RBM23: variants seen among roughly 807,000 people sequenced by gnomAD.
RBM23 encodes the protein probable RNA-binding protein 23.
In RBM23, 53 loss-of-function variants were observed where a neutral mutation model predicts 56.2. The observed-to-expected ratio is 0.94, with a 90% CI of 0.76 to 1.19. The LOEUF (loss-of-function observed/expected upper bound fraction) is 1.19, where lower values mean the gene tolerates loss of function less well. Ranked by LOEUF, RBM23 falls within the 50% of genes most tolerant of loss-of-function variation. RBM23 has a pLI of 0.00. For synonymous variants in RBM23, 197 were observed against 198.5 expected, an observed-to-expected ratio of 0.99 and a Z score of 0.06; for missense variants, 642 against 590.3, an observed-to-expected ratio of 1.09 and a Z score of -0.91.
chr14:22,902,612 A>C, intron 10 of RBM23: 2 of 1,266,994 alleles, frequency 1.6e-6, no homozygotes, highest in Non-Finnish European at 2.0e-6. Context: ...CAGCTCCATT[A>C]AGAATCTAAC....
At position 22,902,215 on chromosome 14, in the gene RBM23, A is replaced by G. The variant is rs1433636117; in HGVS notation, c.1098T>C (p.Arg366=). The part of the protein sequence containing the change: ...QELDLGSAGG[R]FQLMAKLAEG... ...CTGCCAGTTTTGCCATGAGCTGAAAACGTCCACCTGCTGATCCCAGATCCA... is the reference window on the plus strand; with the variant it reads ...CTGCCAGTTTTGCCATGAGCTGAAAGCGTCCACCTGCTGATCCCAGATCCA... Residue 366 remains arginine (R), a synonymous_variant, in exon 11 of 14, where the codon CGT becomes CGC. Coordinates refer to ENST00000359890, the MANE Select transcript of RBM23 (RefSeq NM_001077351.2). The G allele has an allele frequency of 1.2e-6, 2 of 1,614,042 alleles. No individual in the cohort carries two copies. The highest frequency in any genetic ancestry group is 1.7e-6 in the Non-Finnish European group (2 of 1,179,952).
At chr14:22,904,523 T>A (rs540852823) in intron 9 of RBM23, among the ~76,000 whole-genome samples, 197 bp from the exon 10 acceptor site, 14 of 140,764 alleles carry the variant, frequency 9.9e-5, no homozygotes, top group Non-Finnish European at 1.2e-4. Flanking sequence ...AAAGGTGGAC[T>A]TTTTTTTTTT....
rs188640634 is a variant in RBM23, at chr14:22,918,558, C to G, written c.-11+441G>C. On this transcript the variant is annotated intron_variant, in intron 1 of 13. Coordinates refer to ENST00000359890, the MANE Select transcript of RBM23 (RefSeq NM_001077351.2). Reference sequence around the variant, plus strand: ...AGCCCATAAAGGTCAACATAGTGAACATGAATCTTCGACAGACTAGAGATT... The same window carrying G: ...AGCCCATAAAGGTCAACATAGTGAAGATGAATCTTCGACAGACTAGAGATT... Among the ~76,000 whole-genome samples, 780 of 152,222 alleles carry G rather than the reference C, an allele frequency of 5.1e-3. 4 individuals carry two copies. The highest frequency in any genetic ancestry group is 8.9e-3 in the Admixed American group (136 of 15,278).
At chr14:22,903,407 A>G (rs2040963509) in intron 10 of RBM23, 3 of 985,406 alleles carry the variant, frequency 3.0e-6, no homozygotes, top group East Asian at 1.1e-4. Flanking sequence ...AAAGGTTACA[A>G]AAGTTACTTG....
At chr14:22,909,644 A>G (rs779896650) in intron 2 of RBM23, 49 bp from the exon 3 acceptor site, 1 of 1,419,606 alleles carries the variant, frequency 7.0e-7, no homozygotes, top group South Asian at 1.1e-5. Context: ...TGGCAGACAC[A>G]CAGATTCCAA....
In RBM23 at chr14:22,901,025, G is replaced by C. The variant is rs2040423525; in HGVS notation, c.*705C>G. The C allele has an allele frequency of 6.6e-6, 1 of 152,184 alleles. No homozygotes were observed. The highest frequency in any genetic ancestry group is 1.5e-5 in the Non-Finnish European group (1 of 68,058). The allele number at this position is 152,184 out of a possible 1,614,324, so 9.4% of individuals were successfully genotyped here. A position where few individuals can be genotyped will look rare whatever the true frequency, so the allele number is the denominator to read the frequency against. ...AAGGAAGATGGAAGATACTGGAAAGGCATACTCCACCTTTTACTAAATTCC... is the reference window on the plus strand; with the variant it reads ...AAGGAAGATGGAAGATACTGGAAAGCCATACTCCACCTTTTACTAAATTCC... On this transcript the variant is annotated 3_prime_UTR_variant, in exon 14 of 14. Coordinates refer to ENST00000359890, the MANE Select transcript of RBM23 (RefSeq NM_001077351.2).
Position 22,906,376 on chromosome 14 carries a change from G to C in RBM23, c.228-8C>G, listed in dbSNP as rs376913043. On this transcript the variant is annotated splice_region_variant and splice_polypyrimidine_tract_variant and intron_variant, in intron 4 of 13. Transcript: ENST00000359890. ...TCCCGATCTCGACTACGACTACAGA[G>C]GGAAACAACTACAGTCATGCCCACA... The C allele has an allele frequency of 1.2e-6, 2 of 1,613,674 alleles. No homozygotes were observed. Among genetic ancestry groups the C allele is most frequent in the African/African-American group, 1.3e-5 (1 of 74,918 alleles).
Position 22,900,136 on chromosome 14 carries a change from CAGG to C in RBM23, c.*1591_*1593del, listed in dbSNP as rs1166095019. The C allele has an allele frequency of 1.3e-5, 2 of 152,170 alleles. No homozygotes were observed. The highest frequency in any genetic ancestry group is 2.9e-5 in the Non-Finnish European group (2 of 68,048). 9.4% of individuals were successfully genotyped at this position (152,170 alleles called of 1,614,324 possible). A position where few individuals can be genotyped will look rare whatever the true frequency, so the allele number is the denominator to read the frequency against. The stretch of plus-strand genomic sequence containing the variant: ...ATCCCAGGCAGAGCCACATGGAAAG[CAGG>C]AGTTGAGGGGACTGACAGAGGAACA... On this transcript the variant is annotated 3_prime_UTR_variant, in exon 14 of 14. Coordinates refer to ENST00000359890, the MANE Select transcript of RBM23 (RefSeq NM_001077351.2).
rs1253000776 is a variant in RBM23 at position 22,899,978 on chromosome 14, G to T, written c.*1752C>A. On this transcript the variant is annotated 3_prime_UTR_variant, in exon 14 of 14. Transcript: ENST00000359890. ...CCCTGAATTCAGGCCTTCTCATTTG[G>T]TCCCTAAGCTGGGTGAGACAGCCTC... 1 of 152,086 alleles carries T rather than the reference G, an allele frequency of 6.6e-6. No individual in the cohort carries two copies. Among genetic ancestry groups the T allele is most frequent in the Non-Finnish European group, 1.5e-5 (1 of 68,028 alleles). The allele number at this position is 152,086 out of a possible 1,614,324, so 9.4% of individuals were successfully genotyped here. A position where few individuals can be genotyped will look rare whatever the true frequency, so the allele number is the denominator to read the frequency against.
Position 22,909,470 on chromosome 14 carries a change from C to T in RBM23, c.179+13G>A, listed in dbSNP as rs765266570. The T allele has an allele frequency of 1.2e-6, 2 of 1,608,312 alleles. No individual in the cohort carries two copies. The highest frequency in any genetic ancestry group is 1.1e-5 in the South Asian group (1 of 90,916). On this transcript the variant is annotated intron_variant, in intron 3 of 13. Transcript: ENST00000359890. ...CCCCAAGTTGCCAACCCATTTCTTC[C>T]TCCCACACTCACTTGCTTGTCTCCC...
intron 1 of RBM23, among the ~76,000 whole-genome samples, chr14:22,916,462 G>C (rs1295731033): frequency 6.8e-6 from 1 of 147,344 alleles, no homozygotes; most frequent in Non-Finnish European, 1.5e-5. Flanking sequence ...TTCTGGTAGA[G>C]ACATGGTCTC....
chr14:22,898,732 A>T lies in RBM23; in HGVS notation c.*2998T>A, dbSNP rs1436419977. 3 of 151,822 alleles carry T rather than the reference A, an allele frequency of 2.0e-5. No homozygotes were observed. The highest frequency in any genetic ancestry group is 4.8e-5 in the African/African-American group (2 of 41,290). The allele number at this position is 151,822 out of a possible 1,614,324, so 9.4% of individuals were successfully genotyped here. A position where few individuals can be genotyped will look rare whatever the true frequency, so the allele number is the denominator to read the frequency against. ...TGTAGGAAGGCCAAGGTAGCTAGGG[A>T]TGGAAACATAAGGAAACCAAGCAGA... On this transcript the variant is annotated 3_prime_UTR_variant, in exon 14 of 14. Transcript: ENST00000359890.
chr14:22,906,070 C>T, intron 5 of RBM23, 125 bp downstream of exon 5: 1 of 1,181,226 alleles, frequency 8.5e-7, no homozygotes, highest in African/African-American at 1.5e-5. Context: ...CCAACCCTTT[C>T]TGTGCCTGAG....
intron 5 of RBM23, chr14:22,905,862 C>A (rs2041451691): frequency 1.7e-6 from 1 of 603,988 alleles, no homozygotes; most frequent in East Asian, 2.8e-5. Flanking sequence ...AATCCTCCCA[C>A]CTCAGCCTCC....
intron 2 of RBM23, among the ~76,000 whole-genome samples, chr14:22,910,165 A>AAAAAAAAAAAAAAAAG (rs2042225077): frequency 3.0e-5 from 4 of 131,472 alleles, no homozygotes; most frequent in Non-Finnish European, 4.9e-5. Context: ...AAAAAAAAAA[A>AAAAAAAAAAAAAAAAG]AAAAAAAAAA....
chr14:22,910,499 G>T (rs952800822), intron 2 of RBM23, among the ~76,000 whole-genome samples: 1 of 150,772 alleles, frequency 6.6e-6, no homozygotes, highest in East Asian at 2.0e-4. Flanking sequence ...AAAGCGGTGG[G>T]GGGGAAAGGA....
intron 1 of RBM23, 78 bp from the exon 2 acceptor site, chr14:22,911,481 C>A: frequency 8.2e-7 from 1 of 1,221,046 alleles, no homozygotes; most frequent in East Asian, 2.4e-5. Context: ...TTCTTTCCCA[C>A]TCCAAGAAAG....
intron 10 of RBM23, chr14:22,902,915 C>T: frequency 3.1e-6 from 2 of 652,206 alleles, no homozygotes; most frequent in South Asian, 6.8e-5. Context: ...GCTGGAATTA[C>T]AGGCACCCAC....
chr14:22,897,836 ATTAT>A lies in RBM23; in HGVS notation c.*3890_*3893del, dbSNP rs1342828640. ...TGCTAACTTTGTGCTTATGGGGAAAATTATTTAACTTATTTGGATATGTTTCCTT... is the reference window on the plus strand; with the variant it reads ...TGCTAACTTTGTGCTTATGGGGAAAATTAACTTATTTGGATATGTTTCCTT... On this transcript the variant is annotated 3_prime_UTR_variant, in exon 14 of 14. Coordinates refer to ENST00000359890, the MANE Select transcript of RBM23 (RefSeq NM_001077351.2). The A allele has an allele frequency of 6.6e-6, 1 of 152,212 alleles. No individual in the cohort carries two copies. Among genetic ancestry groups the A allele is most frequent in the African/African-American group, 2.4e-5 (1 of 41,448 alleles). The allele number at this position is 152,212 out of a possible 1,614,324, so 9.4% of individuals were successfully genotyped here.
Sources: allele counts gnomAD v4.1 joint callset (sites outside exome capture counted in the v4.1 genomes callset), GRCh38; gene constraint gnomAD v4.1.1; transcripts MANE v1.5; gene names NCBI Gene and HGNC (gene_info 2026-07-23, HGNC 2026-07-21).